ZNF462: variants seen among roughly 807,000 people sequenced by gnomAD.
The protein encoded by ZNF462 is zinc finger PBX1-interacting protein.
ZNF462 carries 10 observed loss-of-function variants against 201.9 expected under a neutral mutation model. The observed-to-expected ratio is 0.05, with a 90% CI of 0.03 to 0.08. The LOEUF (loss-of-function observed/expected upper bound fraction) is 0.08, where lower values mean the gene tolerates loss of function less well. Among genes scored for constraint, ZNF462 ranks in the 10% least tolerant of loss-of-function variants. The pLI, the probability that ZNF462 is intolerant of heterozygous loss-of-function variation, is 1.00. For missense variants in ZNF462, 2,523 were observed against 3,168.3 expected (o/e 0.80, Z 4.89); for synonymous variants, 1,227 against 1,193.3 (o/e 1.03, Z -0.58).
rs1330789546 is a variant in ZNF462 at position 106,938,987 on chromosome 9, C to G, written c.6307C>G (p.Leu2103Val). ...AATCAGCCAGCTGAAGGAACACTCC[C>G]TCAAGGTCCACGGAAAAGCCCTGAC... ...MTISQLKEHS[L>V]KVHGKALTLP... The change falls in exon 7 of 13, where the codon CTC becomes GTC. Residue 2103 changes from leucine to valine, a missense_variant. Physicochemically the swap from Leu to Val is conservative, Grantham distance 32 (BLOSUM62 1). Coordinates refer to ENST00000277225, the MANE Select transcript of ZNF462 (RefSeq NM_021224.6). The surrounding 1 kb of genome is among the most constrained non-coding windows in gnomAD (Gnocchi z 4.4). The G allele has an allele frequency of 6.2e-7, 1 of 1,613,984 alleles. No individual in the cohort carries two copies. Among genetic ancestry groups the G allele is most frequent in the East Asian group, 2.2e-5 (1 of 44,870 alleles).
chr9:106,881,413 T>C (rs1049439293), intron 1 of ZNF462, among the ~76,000 whole-genome samples: 5 of 152,088 alleles, frequency 3.3e-5, no homozygotes, highest in Admixed American at 6.5e-5. Context: ...TGGGTGACCT[T>C]GAGGGAATGA....
In ZNF462 at chr9:106,981,862, G is replaced by A. The variant is rs73524922; in HGVS notation, c.6833-2324G>A. ...ACATCATTATATGAAAAATGATACC[G>A]GGCTGTTCTTCTTCACCGTAGAGGT... is the stretch of plus-strand genomic sequence containing the variant. On this transcript the variant is annotated intron_variant, in intron 9 of 12. Transcript: ENST00000277225. This position sits in a 1 kb window ranked among gnomAD's most constrained non-coding sequence, Gnocchi z 4.0. 0.084 allele frequency among the ~76,000 whole-genome samples: 12,724 copies of A among 152,166 alleles called. 1,277 individuals carry two copies. The highest frequency in any genetic ancestry group is 0.24 in the African/African-American group (9,953 of 41,498).
At position 106,970,080 on chromosome 9, in the gene ZNF462, A is replaced by C. The variant is rs1826512807; in HGVS notation, c.6428-1925A>C. ...ATTGAATGAGAAGAATGAAAAGTTG[A>C]CAATTGCATTATTGTGATCCAGAGT... On this transcript the variant is annotated intron_variant, in intron 7 of 12. Coordinates refer to ENST00000277225, the MANE Select transcript of ZNF462 (RefSeq NM_021224.6). The surrounding 1 kb of genome is among the most constrained non-coding windows in gnomAD (Gnocchi z 4.2). Among the ~76,000 whole-genome samples the C allele has an allele frequency of 6.6e-6, 1 of 152,230 alleles. No individual in the cohort carries two copies. The highest frequency in any genetic ancestry group is 1.5e-5 in the Non-Finnish European group (1 of 68,050).
Position 106,863,279 on chromosome 9 carries a change from GGAGAAA to G in ZNF462, c.-97_-92del, listed in dbSNP as rs960371251. 12 of 399,076 alleles carry G rather than the reference GGAGAAA, an allele frequency of 3.0e-5. No individual in the cohort carries two copies. Among genetic ancestry groups the G allele is most frequent in the Non-Finnish European group, 4.4e-5 (10 of 226,256 alleles). The allele number at this position is 399,076 out of a possible 1,614,324, so 24.7% of individuals were successfully genotyped here. A position where few individuals can be genotyped will look rare whatever the true frequency, so the allele number is the denominator to read the frequency against. The stretch of plus-strand genomic sequence containing the variant: ...CACAACAATAACCCGAGCAGGAAGA[GGAGAAA>G]GAGAAAGAGGATAAGGAGGCGGTGG... On this transcript the variant is annotated 5_prime_UTR_variant, in exon 1 of 13. Transcript: ENST00000277225.
At chr9:106,879,513 A>T (rs1435485956) in intron 1 of ZNF462, among the ~76,000 whole-genome samples, 2 of 152,196 alleles carry the variant, frequency 1.3e-5, no homozygotes, top group East Asian at 3.9e-4. Context: ...CGGGCAAAGG[A>T]AAGAGTTTAC....
intron 10 of ZNF462, among the ~76,000 whole-genome samples, chr9:106,990,806 CATG>C (rs1374563878): frequency 1.3e-5 from 2 of 151,916 alleles, no homozygotes; most frequent in Admixed American, 1.3e-4. Context: ...TTTTTCCCTA[CATG>C]ATGAGTACAA....
chr9:106,864,061 T>C (rs865943027), intron 1 of ZNF462, among the ~76,000 whole-genome samples: 115 of 92,100 alleles, frequency 1.2e-3, no homozygotes, highest in African/African-American at 3.8e-3. Flanking sequence ...TCTCTCTCTC[T>C]CTCTCTCTCT....
In ZNF462 at chr9:106,880,667, C is replaced by A. The variant is rs1828052587; in HGVS notation, c.-31+17312C>A. ...TTTTTATTAATGGTTTAAGTTGGGC[C>A]TTTTATAACTGATACTCACCTATAT... On this transcript the variant is annotated intron_variant, in intron 1 of 12. Coordinates refer to ENST00000277225, the MANE Select transcript of ZNF462 (RefSeq NM_021224.6). The surrounding 1 kb of genome is among the most constrained non-coding windows in gnomAD (Gnocchi z 4.1). 6.6e-6 allele frequency among the ~76,000 whole-genome samples: 1 copy of A among 152,080 alleles called. No individual in the cohort carries two copies. Among genetic ancestry groups the A allele is most frequent in the South Asian group, 2.1e-4 (1 of 4,820 alleles).
rs1831480149 is a variant in ZNF462 at position 106,954,290 on chromosome 9, G to A, written c.6427+15183G>A. ...AGGGGGAGCAAGGCACATCTTATATGGTGGCAGGAGAGAGAAAGAGAGTGA... is the reference window on the plus strand; with the variant it reads ...AGGGGGAGCAAGGCACATCTTATATAGTGGCAGGAGAGAGAAAGAGAGTGA... On this transcript the variant is annotated intron_variant, in intron 7 of 12. Coordinates refer to ENST00000277225, the MANE Select transcript of ZNF462 (RefSeq NM_021224.6). The surrounding 1 kb of genome is among the most constrained non-coding windows in gnomAD (Gnocchi z 4.0). Among the ~76,000 whole-genome samples, 1 of 152,056 alleles carries A rather than the reference G, an allele frequency of 6.6e-6. No individual in the cohort carries two copies. Among genetic ancestry groups the A allele is most frequent in the Non-Finnish European group, 1.5e-5 (1 of 68,008 alleles).
chr9:106,897,850 G>A (rs914099721), intron 1 of ZNF462, among the ~76,000 whole-genome samples: 8 of 151,958 alleles, frequency 5.3e-5, no homozygotes, highest in African/African-American at 1.7e-4. Flanking sequence ...CCATGGATTC[G>A]CCTCCAGCCA....
At chr9:106,908,470 A>G (rs1258717666) in intron 1 of ZNF462, among the ~76,000 whole-genome samples, 5 of 151,888 alleles carry the variant, frequency 3.3e-5, no homozygotes, top group South Asian at 2.1e-4. Flanking sequence ...ATTAATCATG[A>G]TTTCTTCCTT....
At position 106,970,136 on chromosome 9, in the gene ZNF462, A is replaced by C. The variant is rs561036496; in HGVS notation, c.6428-1869A>C. Among the ~76,000 whole-genome samples, 1 of 152,360 alleles carries C rather than the reference A, an allele frequency of 6.6e-6. No homozygotes were observed. The highest frequency in any genetic ancestry group is 1.9e-4 in the East Asian group (1 of 5,180). On this transcript the variant is annotated intron_variant, in intron 7 of 12. Coordinates refer to ENST00000277225, the MANE Select transcript of ZNF462 (RefSeq NM_021224.6). This position sits in a 1 kb window ranked among gnomAD's most constrained non-coding sequence, Gnocchi z 4.2. ...CATCAGCTAGGGTAGAGGAATAAAG[A>C]AAAAGGAGATAAAAGAACTGGGTAA...
chr9:106,906,064 G>T (rs1829258802), intron 1 of ZNF462, among the ~76,000 whole-genome samples: 1 of 152,210 alleles, frequency 6.6e-6, no homozygotes, highest in Admixed American at 6.5e-5. Flanking sequence ...AGATCCCAGG[G>T]CCTTCCTGCT....
At position 106,974,065 on chromosome 9, in the gene ZNF462, G is replaced by A. The variant is rs897163011; in HGVS notation, c.6696-72G>A. The A allele has an allele frequency of 3.8e-6, 6 of 1,595,670 alleles. No homozygotes were observed. In the African/African-American group the frequency reaches 5.4e-5, roughly 14 times the overall value. On this transcript the variant is annotated intron_variant, in intron 8 of 12. Transcript: ENST00000277225. This position sits in a 1 kb window ranked among gnomAD's most constrained non-coding sequence, Gnocchi z 4.0. ...GCACTTGGACATATATAACGGGTTT[G>A]CCAGCAGGAAATGTGAAAATGCAAT...
rs868143132 is a variant in ZNF462, at chr9:106,925,585, A to C, written c.1673A>C (p.Gln558Pro). The change falls in exon 3 of 13, where the codon CAG becomes CCG. Residue 558 changes from glutamine to proline, a missense_variant. Gln to Pro is a moderately conservative substitution (Grantham distance 76). Coordinates refer to ENST00000277225, the MANE Select transcript of ZNF462 (RefSeq NM_021224.6). This position sits in a 1 kb window ranked among gnomAD's most constrained non-coding sequence, Gnocchi z 7.9. ...PPPPPPPSQP[Q>P]PLQQPQPPQL... ...CCGCCACCACCACCATCACAGCCAC[A>C]GCCACTGCAGCAGCCACAGCCACCA... 6.2e-7 allele frequency: 1 copy of C among 1,612,648 alleles called. No individual in the cohort carries two copies. The highest frequency in any genetic ancestry group is 8.5e-7 in the Non-Finnish European group (1 of 1,179,172).
chr9:106,898,504 G>T (rs1364871595), intron 1 of ZNF462, among the ~76,000 whole-genome samples: 5 of 152,248 alleles, frequency 3.3e-5, no homozygotes, highest in Admixed American at 3.3e-4. Context: ...GAGGGAAGAT[G>T]CTACCAGCAT....
intron 10 of ZNF462, among the ~76,000 whole-genome samples, chr9:106,988,832 T>C (rs1316976197): frequency 6.6e-6 from 1 of 152,136 alleles, no homozygotes; most frequent in Non-Finnish European, 1.5e-5. Context: ...GATTTGATTC[T>C]CCACTGGTCG....
Position 107,003,403 on chromosome 9 carries a change from T to C in ZNF462, c.7166T>C (p.Met2389Thr). Residue 2389 changes from methionine (M) to threonine (T), a missense_variant, in exon 11 of 13, where the codon ATG becomes ACG. Physicochemically the swap from Met to Thr is moderately conservative, Grantham distance 81 (BLOSUM62 -1). Transcript: ENST00000277225. This position sits in a 1 kb window ranked among gnomAD's most constrained non-coding sequence, Gnocchi z 4.4. ...GATGATGAGGACAAGGAAGAAGAAA[T>C]GAACAGCAAGGCTGAAGACAGAGGT... Reference protein sequence around the residue: ...SSDDEDKEEEMNSKAEDRELM... With the variant: ...SSDDEDKEEETNSKAEDRELM... 1.2e-6 allele frequency: 2 copies of C among 1,613,498 alleles called. No homozygotes were observed. Among genetic ancestry groups the C allele is most frequent in the Middle Eastern group, 1.7e-4 (1 of 6,052 alleles).
chr9:106,920,935 G>A lies in ZNF462; in HGVS notation c.-30-2419G>A, dbSNP rs10978675. On this transcript the variant is annotated intron_variant, in intron 1 of 12. Coordinates refer to ENST00000277225, the MANE Select transcript of ZNF462 (RefSeq NM_021224.6). The surrounding 1 kb of genome is among the most constrained non-coding windows in gnomAD (Gnocchi z 4.3). ...TTTCTAAAGGCTTGAAGTTTTGAAG[G>A]GAAGAGATTTTGTTTTCCTCTCTGC... Among the ~76,000 whole-genome samples, 17,045 of 152,180 alleles carry A rather than the reference G, an allele frequency of 0.11. 1,124 individuals carry two copies. The highest frequency in any genetic ancestry group is 0.19 in the South Asian group (904 of 4,812).
Sources: allele counts gnomAD v4.1 joint callset (sites outside exome capture counted in the v4.1 genomes callset), GRCh38; gene constraint gnomAD v4.1.1; non-coding constraint Gnocchi (gnomAD v3.1); transcripts MANE v1.5; gene names NCBI Gene and HGNC (gene_info 2026-07-23, HGNC 2026-07-21).